The following CENPP variants were observed in gnomAD, a reference collection of about 807,000 sequenced individuals.
CENPP encodes the protein centromere protein P.
Under a neutral mutation model 35.6 loss-of-function variants are expected in CENPP, and 24 were observed. That is an observed-to-expected ratio of 0.67 (90% CI 0.49 to 0.95). The LOEUF is 0.95. CENPP is among the 40% of genes least tolerant of loss of function. The pLI is 0.00. For synonymous variants in CENPP, 120 were observed against 125.5 expected, an observed-to-expected ratio of 0.96 and a Z score of 0.29; for missense variants, 332 against 345.3, an observed-to-expected ratio of 0.96 and a Z score of 0.31.
At chr9:92,382,352 A>T (rs988804766) in intron 5 of CENPP, among the ~76,000 whole-genome samples, 4 of 152,074 alleles carry the variant, frequency 2.6e-5, no homozygotes, top group African/African-American at 9.7e-5. Flanking sequence ...CAGCTTAAAC[A>T]TTTATCATTT....
intron 5 of CENPP, among the ~76,000 whole-genome samples, chr9:92,507,352 G>A (rs1298511354): frequency 6.6e-6 from 1 of 152,200 alleles, no homozygotes; most frequent in Non-Finnish European, 1.5e-5. Flanking sequence ...GAAATGCAGT[G>A]GAAGTTTTTC....
At chr9:92,444,983 C>T (rs1474827143) in intron 5 of CENPP, among the ~76,000 whole-genome samples, 1 of 152,128 alleles carries the variant, frequency 6.6e-6, no homozygotes, top group Non-Finnish European at 1.5e-5. Flanking sequence ...TCCTGGAGTT[C>T]AGGTCCAGCA....
intron 7 of CENPP, 127 bp from the exon 8 acceptor site, chr9:92,612,892 C>T (rs2131403492): frequency 8.8e-7 from 1 of 1,132,722 alleles, no homozygotes. Flanking sequence ...CCGCCACTAG[C>T]ATGTCCCATC....
chr9:92,433,847 G>C (rs373187279), intron 5 of CENPP, among the ~76,000 whole-genome samples: 4 of 152,068 alleles, frequency 2.6e-5, no homozygotes, highest in East Asian at 1.9e-4. Context: ...CAGGAGAATC[G>C]CTTGAACCCG....
At chr9:92,377,874 G>A (rs182733180) in intron 4 of CENPP, among the ~76,000 whole-genome samples, 1 of 152,012 alleles carries the variant, frequency 6.6e-6, no homozygotes, top group South Asian at 2.1e-4. Context: ...TTTCTGTGTA[G>A]ATTCTGGTTC....
intron 5 of CENPP, among the ~76,000 whole-genome samples, chr9:92,518,748 G>C (rs1487342082): frequency 1.3e-5 from 2 of 152,088 alleles, no homozygotes; most frequent in African/African-American, 4.8e-5. Context: ...AATTAGCCGA[G>C]TATGGTGGCA....
chr9:92,395,066 T>G (rs536483567), intron 5 of CENPP, among the ~76,000 whole-genome samples: 48 of 152,166 alleles, frequency 3.2e-4, no homozygotes, highest in Admixed American at 6.5e-4. Flanking sequence ...TTACAATTAA[T>G]TGCGTGTATT....
intron 5 of CENPP, among the ~76,000 whole-genome samples, chr9:92,458,170 A>G (rs1316356665): frequency 2.0e-5 from 3 of 152,172 alleles, no homozygotes; most frequent in African/African-American, 4.8e-5. Flanking sequence ...TGTCTTTTTA[A>G]ATTAAATTCT....
At chr9:92,534,380 A>C (rs1009861682) in intron 5 of CENPP, among the ~76,000 whole-genome samples, 2 of 152,174 alleles carry the variant, frequency 1.3e-5, no homozygotes, top group Admixed American at 1.3e-4. Context: ...GGTTTCACTT[A>C]GTTAGTTCAT....
intron 5 of CENPP, among the ~76,000 whole-genome samples, chr9:92,566,382 A>C (rs1262812822): frequency 6.6e-6 from 1 of 152,112 alleles, no homozygotes; most frequent in African/African-American, 2.4e-5. Flanking sequence ...AAATAAACAG[A>C]AACTGTCCAT....
At chr9:92,463,557 G>C (rs946165014) in intron 5 of CENPP, among the ~76,000 whole-genome samples, 1 of 152,212 alleles carries the variant, frequency 6.6e-6, no homozygotes, top group Admixed American at 6.5e-5. Flanking sequence ...CATGTCAGGA[G>C]ATGTGGCCTG....
intron 5 of CENPP, among the ~76,000 whole-genome samples, chr9:92,419,849 A>G (rs746952910): frequency 4.6e-5 from 7 of 152,162 alleles, no homozygotes; most frequent in East Asian, 1.9e-4. Flanking sequence ...TCTCCTGTTC[A>G]TGTAGAATGG....
intron 5 of CENPP, among the ~76,000 whole-genome samples, chr9:92,449,546 T>C (rs548375993): frequency 6.8e-5 from 10 of 148,102 alleles, no homozygotes; most frequent in African/African-American, 2.4e-4. Context: ...TTTAGAAGAA[T>C]ATCTGAAAAT....
intron 3 of CENPP, among the ~76,000 whole-genome samples, chr9:92,344,114 G>A (rs979409887): frequency 1.3e-5 from 2 of 152,086 alleles, no homozygotes; most frequent in Non-Finnish European, 2.9e-5. Flanking sequence ...ACACATGTAG[G>A]GGCTTTGAGG....
chr9:92,331,881 A>T (rs1454947062), intron 1 of CENPP, among the ~76,000 whole-genome samples: 2 of 152,176 alleles, frequency 1.3e-5, no homozygotes, highest in Non-Finnish European at 2.9e-5. Flanking sequence ...CTGGGAGTTC[A>T]AGGCTGCAGT....
At chr9:92,564,111 G>A (rs563324340) in intron 5 of CENPP, among the ~76,000 whole-genome samples, 1 of 152,280 alleles carries the variant, frequency 6.6e-6, no homozygotes, top group East Asian at 1.9e-4. Flanking sequence ...ATTTGCCTGG[G>A]CATAGTGGCT....
intron 5 of CENPP, chr9:92,414,855 A>G: frequency 3.8e-6 from 1 of 261,420 alleles, no homozygotes; most frequent in Admixed American, 5.2e-5. Flanking sequence ...GAAATGATAC[A>G]CTCACTTTCT....
intron 5 of CENPP, among the ~76,000 whole-genome samples, chr9:92,583,742 A>G (rs548803256): frequency 1.3e-5 from 2 of 152,302 alleles, no homozygotes; most frequent in South Asian, 4.1e-4. Context: ...GGCTTTAGTG[A>G]AACAAACAAT....
chr9:92,444,655 A>G (rs887245539), intron 5 of CENPP, among the ~76,000 whole-genome samples: 7 of 152,148 alleles, frequency 4.6e-5, no homozygotes, highest in African/African-American at 2.4e-5. Context: ...AGCTCTGCAT[A>G]TGGTGTGTTG....
Sources: allele counts gnomAD v4.1 joint callset (sites outside exome capture counted in the v4.1 genomes callset), GRCh38; gene constraint gnomAD v4.1.1; transcripts MANE v1.5; gene names NCBI Gene and HGNC (gene_info 2026-07-23, HGNC 2026-07-21).